COP1: variants seen among roughly 807,000 people sequenced by gnomAD.
COP1 encodes COP1 E3 ubiquitin ligase.
Under a neutral mutation model 101.3 loss-of-function variants are expected in COP1, and 24 were observed. The ratio of observed to expected loss-of-function variants is 0.24; its 90% CI spans 0.17 to 0.33. The LOEUF (loss-of-function observed/expected upper bound fraction) is 0.33, where lower values mean the gene tolerates loss of function less well. Among genes scored for constraint, COP1 ranks in the 10% least tolerant of loss-of-function variants. The pLI, the probability that COP1 is intolerant of heterozygous loss-of-function variation, is 1.00. For missense variants in COP1, 663 were observed against 906.2 expected, an observed-to-expected ratio of 0.73 and a Z score of 3.45; for synonymous variants, 347 against 341.9, an observed-to-expected ratio of 1.01 and a Z score of -0.17.
chr1:176,070,507 CA>C lies in COP1; in HGVS notation c.1277+10644del, dbSNP rs1405400096. 1.2e-4 allele frequency among the ~76,000 whole-genome samples: 18 copies of C among 152,130 alleles called. 1 individual carries two copies. In the East Asian group the frequency reaches 3.5e-3, roughly 30 times the overall value. On this transcript the variant is annotated intron_variant, in intron 11 of 19. Transcript: ENST00000367669. ...CGAAACCCCGTCTCTACTAAAAATACAAAAATCAGCTGGCTGTGGTGGCACT... is the reference window on the plus strand; with the variant it reads ...CGAAACCCCGTCTCTACTAAAAATACAAAATCAGCTGGCTGTGGTGGCACT...
At chr1:175,961,190 G>T (rs1558163671) in intron 18 of COP1, among the ~76,000 whole-genome samples, 1 of 152,240 alleles carries the variant, frequency 6.6e-6, no homozygotes, top group South Asian at 2.1e-4. Context: ...CTCACCCTCT[G>T]TAATCATGTG....
chr1:176,171,867 A>T (rs1034252167), intron 3 of COP1, among the ~76,000 whole-genome samples: 1 of 152,228 alleles, frequency 6.6e-6, no homozygotes, highest in Non-Finnish European at 1.5e-5. Context: ...GTTCACAAAA[A>T]AAGGTAATGA....
intron 1 of COP1, among the ~76,000 whole-genome samples, chr1:176,201,573 C>T (rs1023835461): frequency 1.2e-4 from 18 of 152,204 alleles, no homozygotes; most frequent in African/African-American, 4.3e-4. Flanking sequence ...CTTATCAACA[C>T]ATTCTTTAGT....
chr1:176,115,072 C>T (rs758023587), intron 9 of COP1, among the ~76,000 whole-genome samples: 4 of 152,190 alleles, frequency 2.6e-5, no homozygotes, highest in Non-Finnish European at 4.4e-5. Context: ...AGTGCTTAGA[C>T]AATCTGGATG....
rs1697972209 is a variant in COP1 at position 176,182,893 on chromosome 1, A to C, written c.467+1740T>G. Among the ~76,000 whole-genome samples, 3 of 152,254 alleles carry C rather than the reference A, an allele frequency of 2.0e-5. No homozygotes were observed. In the South Asian group the frequency reaches 6.2e-4, roughly 31 times the overall value. On this transcript the variant is annotated intron_variant, in intron 2 of 19. Coordinates refer to ENST00000367669, the MANE Select transcript of COP1 (RefSeq NM_022457.7). ...CAAGAAAGTAAAATGACTTAAAAAA[A>C]TAGTAAAAGGATTCTGAAAGAATAC...
intron 18 of COP1, among the ~76,000 whole-genome samples, chr1:175,976,296 T>TTTTTTTTTTA (rs1553284850): frequency 3.6e-5 from 5 of 137,306 alleles, no homozygotes; most frequent in Non-Finnish European, 6.2e-5. Flanking sequence ...TTTTTTTTTT[T>TTTTTTTTTTA]AGACAGAGTC....
chr1:176,096,449 C>G (rs538598441), intron 9 of COP1, among the ~76,000 whole-genome samples: 1 of 152,178 alleles, frequency 6.6e-6, no homozygotes, highest in Non-Finnish European at 1.5e-5. Flanking sequence ...CAGTGTCCAA[C>G]GACCACACAG....
intron 2 of COP1, among the ~76,000 whole-genome samples, chr1:176,184,033 C>T (rs1017900556): frequency 6.6e-6 from 1 of 152,002 alleles, no homozygotes; most frequent in Non-Finnish European, 1.5e-5. Context: ...ACATACTTAA[C>T]ACTACTGCAC....
Position 176,043,785 on chromosome 1 carries a change from C to T in COP1, c.1455G>A (p.Leu485=), listed in dbSNP as rs1671038175. ...CISWSSYHKN[L]LASSDYEGTV... is the part of the protein sequence containing the mutation. The stretch of plus-strand genomic sequence containing the variant: ...TGCCTTCATAATCACTGCTAGCTAA[C>T]AGGTTCTTATGGTAACTACTCCAAC... The change falls in exon 13 of 20, where the codon CTG becomes CTA. Residue 485 remains leucine (L), a synonymous_variant. Transcript: ENST00000367669. 1 of 1,611,070 alleles carries T rather than the reference C, an allele frequency of 6.2e-7. No individual in the cohort carries two copies. The highest frequency in any genetic ancestry group is 8.5e-7 in the Non-Finnish European group (1 of 1,177,366).
intron 2 of COP1, among the ~76,000 whole-genome samples, chr1:176,179,926 T>C (rs1422628074): frequency 2.0e-5 from 3 of 152,038 alleles, no homozygotes; most frequent in Non-Finnish European, 4.4e-5. Flanking sequence ...TCAAGTGATT[T>C]TTCTGCATTG....
intron 14 of COP1, among the ~76,000 whole-genome samples, chr1:176,029,823 A>G (rs1668360423): frequency 6.6e-6 from 1 of 152,240 alleles, no homozygotes; most frequent in African/African-American, 2.4e-5. Context: ...GTAAGAATTT[A>G]ATATGTGAAA....
At chr1:176,132,042 T>C (rs151078581) in intron 8 of COP1, among the ~76,000 whole-genome samples, 25 of 151,672 alleles carry the variant, frequency 1.6e-4, no homozygotes, top group African/African-American at 5.6e-4. Flanking sequence ...GCTACTTTAT[T>C]TTACAATACA....
At chr1:176,151,411 AAGAAAG>A (rs1252858983) in intron 5 of COP1, among the ~76,000 whole-genome samples, 33 of 144,638 alleles carry the variant, frequency 2.3e-4, no homozygotes, top group African/African-American at 7.3e-4. Context: ...GAAAGAAAGA[AAGAAAG>A]AAACATATTT....
chr1:176,151,679 T>C (rs963033678), intron 5 of COP1, among the ~76,000 whole-genome samples: 7 of 152,216 alleles, frequency 4.6e-5, no homozygotes, highest in Non-Finnish European at 8.8e-5. Context: ...GAGCCTAATA[T>C]AATTAAATAT....
chr1:176,178,068 C>G (rs1478335328), intron 2 of COP1, among the ~76,000 whole-genome samples: 1 of 152,080 alleles, frequency 6.6e-6, no homozygotes, highest in East Asian at 1.9e-4. Flanking sequence ...ACCATAATCA[C>G]AAAATATGCT....
intron 15 of COP1, among the ~76,000 whole-genome samples, chr1:175,997,693 A>T (rs1660523758): frequency 6.6e-6 from 1 of 152,232 alleles, no homozygotes; most frequent in Non-Finnish European, 1.5e-5. Flanking sequence ...TCAAAACCAC[A>T]ATGAGATACC....
intron 4 of COP1, 106 bp from the exon 5 acceptor site, chr1:176,163,094 T>C (rs1365016825): frequency 8.9e-7 from 1 of 1,119,600 alleles, no homozygotes; most frequent in East Asian, 2.7e-5. Context: ...TACATAGATA[T>C]CGAAAATATA....
chr1:176,206,526 G>T, intron 1 of COP1, 46 bp downstream of exon 1: 1 of 1,586,728 alleles, frequency 6.3e-7, no homozygotes, highest in Non-Finnish European at 8.5e-7. Flanking sequence ...CTAAGCGGCA[G>T]AAACTCATAA....
chr1:176,048,900 C>T (rs896458734), intron 11 of COP1, among the ~76,000 whole-genome samples: 17 of 151,374 alleles, frequency 1.1e-4, no homozygotes, highest in African/African-American at 3.4e-4. Flanking sequence ...GGGCCGGGCG[C>T]GGTGGCTCAC....
Sources: allele counts gnomAD v4.1 joint callset (sites outside exome capture counted in the v4.1 genomes callset), GRCh38; gene constraint gnomAD v4.1.1; transcripts MANE v1.5; gene names NCBI Gene and HGNC (gene_info 2026-07-23, HGNC 2026-07-21).